The following SLC30A8 variants were observed in gnomAD, a reference collection of about 807,000 sequenced individuals.
The protein encoded by SLC30A8 is proton-coupled zinc antiporter SLC30A8.
A neutral mutation model predicts 36.9 loss-of-function variants in SLC30A8; 27 were observed. The observed-to-expected ratio is 0.73, with a 90% confidence interval of 0.54 to 1.01. The LOEUF is 1.01. Ranked by LOEUF, SLC30A8 falls within the 50% of genes least tolerant of loss-of-function variation. The probability of loss-of-function intolerance (pLI) is 0.00; values close to 1 mark genes in which losing one functional copy is unlikely to be tolerated. For synonymous variants in SLC30A8, 164 were observed against 172.4 expected (o/e 0.95, Z 0.38); for missense variants, 439 against 452.0 (o/e 0.97, Z 0.26).
At chr8:117,113,009 A>G (rs2130883001) in intron 2 of SLC30A8, among the ~76,000 whole-genome samples, 1 of 152,288 alleles carries the variant, frequency 6.6e-6, no homozygotes, top group East Asian at 1.9e-4. Context: ...CTATTTATCA[A>G]GCACCTACTA....
chr8:117,172,621 G>T lies in SLC30A8; in HGVS notation c.1050G>T (p.Gln350His). Residue 350 changes from glutamine (Q) to histidine (H), a missense_variant, in exon 8 of 8, where the codon CAG (glutamine) becomes CAT (histidine). Coordinates refer to ENST00000456015, the MANE Select transcript of SLC30A8 (RefSeq NM_173851.3). ...KSFTMHSLTIQMESPVDQDPD... is the reference protein window; with the variant it reads ...KSFTMHSLTIHMESPVDQDPD... ...TTACGATGCACTCACTCACCATTCA[G>T]ATGGAATCTCCAGTTGACCAGGACC... 6.2e-7 allele frequency: 1 copy of T among 1,613,754 alleles called. No individual in the cohort carries two copies. Among genetic ancestry groups the T allele is most frequent in the Non-Finnish European group, 8.5e-7 (1 of 1,179,730 alleles).
chr8:117,173,478 T>G lies in SLC30A8; in HGVS notation c.*797T>G, dbSNP rs1823499805. 6.6e-6 allele frequency: 1 copy of G among 152,168 alleles called. No individual in the cohort carries two copies. Among genetic ancestry groups the G allele is most frequent in the African/African-American group, 2.4e-5 (1 of 41,452 alleles). 9.4% of individuals were successfully genotyped at this position (152,168 alleles called of 1,614,324 possible). A position where few individuals can be genotyped will look rare whatever the true frequency, so the allele number is the denominator to read the frequency against. ...CACCAAGTTGTTGCCACAGATAATT[T>G]AGATATTTACCTGCAAGAAGGAATA... On this transcript the variant is annotated 3_prime_UTR_variant, in exon 8 of 8. Transcript: ENST00000456015.
intron 1 of SLC30A8, among the ~76,000 whole-genome samples, chr8:117,006,090 T>C (rs113852267): frequency 3.3e-5 from 5 of 152,350 alleles, no homozygotes; most frequent in African/African-American, 1.2e-4. Context: ...GGTAGTGTTA[T>C]CCAGAGGCAC....
chr8:117,078,114 GATTA>G (rs942703198), intron 2 of SLC30A8, among the ~76,000 whole-genome samples: 39 of 152,248 alleles, frequency 2.6e-4, no homozygotes, highest in African/African-American at 9.1e-4. Flanking sequence ...AAAAATCTAT[GATTA>G]ATTAAGCCAA....
chr8:116,965,170 T>C (rs1814555981), intron 1 of SLC30A8, among the ~76,000 whole-genome samples: 1 of 152,212 alleles, frequency 6.6e-6, no homozygotes, highest in South Asian at 2.1e-4. Flanking sequence ...ACTCCTGACC[T>C]GAGATGATCC....
chr8:117,099,403 G>A lies in SLC30A8; in HGVS notation c.-225-35877G>A, dbSNP rs556861186. On this transcript the variant is annotated intron_variant, in intron 2 of 10. Coordinates refer to the SLC30A8 transcript ENST00000427715. Reference sequence around the variant, plus strand: ...AGCAACTTGACAAATATCACACCATGTCTCACTCCAGAACCCAAGCCCTCC... The same window carrying A: ...AGCAACTTGACAAATATCACACCATATCTCACTCCAGAACCCAAGCCCTCC... Among the ~76,000 whole-genome samples the A allele has an allele frequency of 1.6e-4, 25 of 152,264 alleles. 1 individual carries two copies. The South Asian group carries it at 5.2e-3, about 32-fold the overall frequency.
chr8:116,956,848 G>A (rs1814223133), intron 1 of SLC30A8, among the ~76,000 whole-genome samples: 1 of 152,160 alleles, frequency 6.6e-6, no homozygotes, highest in South Asian at 2.1e-4. Flanking sequence ...CTTTCTGTCA[G>A]AATTACAAAT....
intron 1 of SLC30A8, among the ~76,000 whole-genome samples, chr8:117,037,029 A>AT (rs1008055435): frequency 8.5e-5 from 13 of 152,158 alleles, no homozygotes; most frequent in South Asian, 8.3e-4. Context: ...CAATTTTTAA[A>AT]TTTTTTTTCA....
At chr8:117,087,158 T>C (rs2130821631) in intron 2 of SLC30A8, among the ~76,000 whole-genome samples, 1 of 152,214 alleles carries the variant, frequency 6.6e-6, no homozygotes, top group East Asian at 1.9e-4. Context: ...AAACAGTACG[T>C]GATTGGCATT....
At chr8:117,083,570 C>A (rs1293254896) in intron 2 of SLC30A8, among the ~76,000 whole-genome samples, 1 of 152,168 alleles carries the variant, frequency 6.6e-6, no homozygotes, top group East Asian at 1.9e-4. Flanking sequence ...CTTGCACTAT[C>A]CCTGGCAGAT....
At chr8:117,165,091 T>C (rs1160860621) in intron 6 of SLC30A8, among the ~76,000 whole-genome samples, 1 of 152,184 alleles carries the variant, frequency 6.6e-6, no homozygotes, top group African/African-American at 2.4e-5. Context: ...ACACATCATA[T>C]AGTTGAAAAA....
chr8:116,991,563 C>G (rs1027187200), intron 1 of SLC30A8, among the ~76,000 whole-genome samples: 6 of 152,122 alleles, frequency 3.9e-5, no homozygotes, highest in African/African-American at 7.2e-5. Flanking sequence ...CTTGGTCTCC[C>G]AAAGTGCTAG....
intron 1 of SLC30A8, among the ~76,000 whole-genome samples, chr8:117,015,334 C>T (rs1454149643): frequency 1.3e-5 from 2 of 152,152 alleles, no homozygotes; most frequent in African/African-American, 2.4e-5. Context: ...TAGTTTCCCT[C>T]TGCTCAGACA....
At chr8:117,063,913 T>C (rs186800581) in intron 2 of SLC30A8, among the ~76,000 whole-genome samples, 6 of 152,288 alleles carry the variant, frequency 3.9e-5, no homozygotes, top group African/African-American at 1.4e-4. Context: ...TGTCTTACTT[T>C]TCTATTAAGA....
chr8:116,979,651 A>G (rs1173650404), intron 1 of SLC30A8, among the ~76,000 whole-genome samples: 2 of 152,218 alleles, frequency 1.3e-5, no homozygotes, highest in Admixed American at 1.3e-4. Context: ...GCCAAAGGCC[A>G]TGGAGGCACA....
intron 1 of SLC30A8, among the ~76,000 whole-genome samples, chr8:117,022,283 T>G (rs1411202001): frequency 2.6e-5 from 4 of 152,060 alleles, no homozygotes; most frequent in Non-Finnish European, 5.9e-5. Context: ...TTTAAACAGG[T>G]CAAAAAACAC....
chr8:116,991,258 C>CT lies in SLC30A8; in HGVS notation c.-266+40140dup, dbSNP rs150870094. 4.5e-3 allele frequency among the ~76,000 whole-genome samples: 687 copies of CT among 152,074 alleles called. 5 individuals carry two copies. The highest frequency in any genetic ancestry group is 0.016 in the African/African-American group (660 of 41,508). ...TCAAGAATCTTTTCTTTTTTGATGT[C>CT]TAACTGTATTTTCATATGATATTCC... On this transcript the variant is annotated intron_variant, in intron 1 of 10. Coordinates refer to the SLC30A8 transcript ENST00000427715.
chr8:117,169,484 G>A (rs115216810), intron 6 of SLC30A8, among the ~76,000 whole-genome samples: 3,027 of 152,198 alleles, frequency 0.02, 103 homozygotes, highest in African/African-American at 0.068. Flanking sequence ...CTCAGTTCTA[G>A]CTGTTCATTA....
chr8:116,954,828 A>T (rs1814132251), intron 1 of SLC30A8, among the ~76,000 whole-genome samples: 1 of 152,328 alleles, frequency 6.6e-6, no homozygotes, highest in African/African-American at 2.4e-5. Flanking sequence ...ATAGCCAAAT[A>T]AGAGTAGAGA....
Sources: gnomAD v4.1 joint callset for allele counts (sites outside exome capture counted in the v4.1 genomes callset) on GRCh38, gnomAD v4.1.1 for gene constraint, MANE v1.5 for transcripts, NCBI Gene and HGNC (gene_info 2026-07-23, HGNC 2026-07-21) for gene names.